The following PRR14L variants were observed in gnomAD, a reference collection of about 807,000 sequenced individuals.
PRR14L encodes proline rich 14 like, also known as protein PRR14L.
A neutral mutation model predicts 155.0 loss-of-function variants in PRR14L; 80 were observed. The observed-to-expected ratio is 0.52, with a 90% CI of 0.43 to 0.62. PRR14L has a LOEUF of 0.62. PRR14L is among the 20% of genes least tolerant of loss of function. The pLI is 0.00. For synonymous variants in PRR14L, 883 were observed against 916.0 expected (o/e 0.96, Z 0.65); for missense variants, 2,469 against 2,548.0 (o/e 0.97, Z 0.67).
At chr22:31,689,965 G>A (rs1485279513) in intron 7 of PRR14L, among the ~76,000 whole-genome samples, 1 of 151,544 alleles carries the variant, frequency 6.6e-6, no homozygotes, top group Non-Finnish European at 1.5e-5. Context: ...TTGCCAGGCT[G>A]GAGTGCAGTT....
At chr22:31,686,350 C>T (rs1017676531) in intron 8 of PRR14L, among the ~76,000 whole-genome samples, 10 of 150,440 alleles carry the variant, frequency 6.6e-5, no homozygotes, top group East Asian at 3.9e-4. Context: ...CCTCATGATT[C>T]GCCCGCCTCG....
At chr22:31,708,218 C>T (rs1177007127) in intron 4 of PRR14L, among the ~76,000 whole-genome samples, 1 of 152,136 alleles carries the variant, frequency 6.6e-6, no homozygotes, top group Admixed American at 6.6e-5. Flanking sequence ...TCTTTCAATT[C>T]TAGTCAGCAA....
chr22:31,682,398 T>C lies in PRR14L; in HGVS notation c.*3129A>G, dbSNP rs2074459207. ...GGCTCCGAATAAGGCAAACGCTACA[T>C]GTCTTCACCGTACCTCCCTCAGCTA... On this transcript the variant is annotated 3_prime_UTR_variant, in exon 9 of 9. Transcript: ENST00000327423. 7.5e-6 allele frequency: 1 copy of C among 133,560 alleles called. No individual in the cohort carries two copies. The highest frequency in any genetic ancestry group is 3.4e-5 in the African/African-American group (1 of 29,510). The allele number at this position is 133,560 out of a possible 1,614,324, so 8.3% of individuals were successfully genotyped here.
rs200487624 is a variant in PRR14L at position 31,722,059 on chromosome 22, TA to T, written c.547+3478del. Among the ~76,000 whole-genome samples the T allele has an allele frequency of 7.1e-3, 1,087 of 152,276 alleles. 4 individuals carry two copies. Among genetic ancestry groups the T allele is most frequent in the Middle Eastern group, 0.031 (9 of 294 alleles). On this transcript the variant is annotated intron_variant, in intron 3 of 8. Transcript: ENST00000327423. ...ACGTAATAAATAAAATCAAGTAAAGTAATTTGCACAGTGCTCAACCATGCAA... is the reference window on the plus strand; with the variant it reads ...ACGTAATAAATAAAATCAAGTAAAGTATTTGCACAGTGCTCAACCATGCAA...
rs144806692 is a variant in PRR14L, at chr22:31,747,818, A to C, written c.-52+2175T>G. Among the ~76,000 whole-genome samples the C allele has an allele frequency of 1.7e-3, 252 of 151,834 alleles. 1 individual carries two copies. The highest frequency in any genetic ancestry group is 5.3e-3 in the African/African-American group (218 of 41,452). The stretch of plus-strand genomic sequence containing the variant: ...TAATTCCTATCCCACCAAAAAAAAA[A>C]AAAAACAAAAACAGGAAAACAAACC... On this transcript the variant is annotated intron_variant, in intron 1 of 8. Transcript: ENST00000327423.
intron 1 of PRR14L, among the ~76,000 whole-genome samples, chr22:31,747,726 AAC>A (rs2074847137): frequency 6.6e-6 from 1 of 151,832 alleles, no homozygotes; most frequent in African/African-American, 2.4e-5. Context: ...GTAATTTAAG[AAC>A]ACTTTACATA....
Position 31,714,976 on chromosome 22 carries a change from T to C in PRR14L, c.2863A>G (p.Asn955Asp). 5 of 1,552,144 alleles carry C rather than the reference T, an allele frequency of 3.2e-6. No individual in the cohort carries two copies. Among genetic ancestry groups the C allele is most frequent in the Non-Finnish European group, 4.4e-6 (5 of 1,147,088 alleles). Residue 955 changes from asparagine to aspartate, a missense_variant, in exon 4 of 9, where the codon AAT becomes GAT. This residue lies in a region of PRR14L where 2,363 missense variants were observed against 2,371.6 expected (regional missense o/e 1.00). Transcript: ENST00000327423. ...SPTVMFSSFK[N>D]VKSVETLDQK... ...TCGAGTGTTTCAACTGATTTTACAT[T>C]TTTAAAACTGGAGAACATAACAGTA...
chr22:31,716,325 C>G lies in PRR14L; in HGVS notation c.1514G>C (p.Gly505Ala). The change falls in exon 4 of 9, where the codon GGA becomes GCA. Residue 505 changes from glycine to alanine, a missense_variant. Gly to Ala is a moderately conservative substitution (Grantham distance 60). This residue lies in a region of PRR14L where 2,363 missense variants were observed against 2,371.6 expected (regional missense o/e 1.00). Coordinates refer to ENST00000327423, the MANE Select transcript of PRR14L (RefSeq NM_173566.3). ...GGAAAAACTGCTTTCTTCAGAGTGTCCACCAGGATGGCTCATATTAGTAAA... is the reference window on the plus strand; with the variant it reads ...GGAAAAACTGCTTTCTTCAGAGTGTGCACCAGGATGGCTCATATTAGTAAA... ...ETFTNMSHPG[G>A]HSEESSFSSL... The G allele has an allele frequency of 6.4e-7, 1 of 1,551,652 alleles. No homozygotes were observed. The highest frequency in any genetic ancestry group is 8.7e-7 in the Non-Finnish European group (1 of 1,146,970).
intron 4 of PRR14L, among the ~76,000 whole-genome samples, chr22:31,707,914 C>A (rs933133907): frequency 3.3e-5 from 5 of 152,142 alleles, no homozygotes; most frequent in African/African-American, 9.6e-5. Context: ...CTTTAGGAGG[C>A]TGGGGCAGGC....
In PRR14L at chr22:31,688,176, A is replaced by G; in HGVS notation, c.6159T>C (p.Tyr2053=). The part of the protein sequence containing the change: ...SLEEIYTNKN[Y]KSPPANRCLE... Reference sequence around the variant, plus strand: ...CCTACCTGTTTGCAGGAGGAGATTTATAATTCTTGTTGGTATATATCTCTT... The same window carrying G: ...CCTACCTGTTTGCAGGAGGAGATTTGTAATTCTTGTTGGTATATATCTCTT... The change falls in exon 8 of 9, where the codon TAT becomes TAC. Residue 2053 remains tyrosine (Y), a synonymous_variant. Transcript: ENST00000327423. The G allele has an allele frequency of 6.2e-7, 1 of 1,605,132 alleles. No homozygotes were observed. Among genetic ancestry groups the G allele is most frequent in the Non-Finnish European group, 8.5e-7 (1 of 1,176,490 alleles).
In PRR14L at chr22:31,713,949, C is replaced by G; in HGVS notation, c.3890G>C (p.Arg1297Thr). 6.4e-7 allele frequency: 1 copy of G among 1,551,804 alleles called. No individual in the cohort carries two copies. Residue 1297 changes from arginine (R) to threonine (T), a missense_variant, in exon 4 of 9, where the codon AGA becomes ACA. Coordinates refer to ENST00000327423, the MANE Select transcript of PRR14L (RefSeq NM_173566.3). ...VSRDWSNSSD[R>T]DSVCTCVEKN... ...TTCCACACAGGTACATACGCTGTCT[C>G]TGTCACTAGAATTACTCCAATCTCT...
intron 1 of PRR14L, among the ~76,000 whole-genome samples, chr22:31,749,463 T>C (rs1057258294): frequency 2.6e-5 from 4 of 152,096 alleles, no homozygotes; most frequent in Non-Finnish European, 5.9e-5. Flanking sequence ...GGAAGGTAAG[T>C]CTCTTTCTTA....
Position 31,712,935 on chromosome 22 carries a change from A to G in PRR14L, c.4904T>C (p.Leu1635Pro), listed in dbSNP as rs1000652723. 1 of 1,551,868 alleles carries G rather than the reference A, an allele frequency of 6.4e-7. No homozygotes were observed. The highest frequency in any genetic ancestry group is 8.7e-7 in the Non-Finnish European group (1 of 1,147,036). Residue 1635 changes from leucine (L) to proline (P), a missense_variant, in exon 4 of 9, where the codon CTA becomes CCA. Leu to Pro is a moderately conservative substitution (Grantham distance 98). Around this residue, in one of 2 missense-constraint regions of PRR14L, gnomAD observed 2,363 missense variants for 2,371.6 expected, o/e 1.00. Coordinates refer to ENST00000327423, the MANE Select transcript of PRR14L (RefSeq NM_173566.3). The part of the protein sequence containing the change: ...KLAPAMKTQK[L>P]RYRRCSSELL... ...TTCAGAGGAACACCGTCGGTATCTT[A>G]GCTTCTGAGTCTTCATGGCTGGGGC...
At chr22:31,697,318 A>AG (rs1259207563) in intron 7 of PRR14L, among the ~76,000 whole-genome samples, 4 of 151,668 alleles carry the variant, frequency 2.6e-5, no homozygotes, top group Non-Finnish European at 5.9e-5. Flanking sequence ...AAAAAAAAAA[A>AG]AAAAGAAATT....
At chr22:31,735,337 A>G (rs1206933185) in intron 2 of PRR14L, among the ~76,000 whole-genome samples, 1 of 151,958 alleles carries the variant, frequency 6.6e-6, no homozygotes, top group Non-Finnish European at 1.5e-5. Flanking sequence ...GCTACTAGGG[A>G]GGCTGAGGCA....
At chr22:31,724,697 C>T (rs879287517) in intron 3 of PRR14L, among the ~76,000 whole-genome samples, 2 of 152,142 alleles carry the variant, frequency 1.3e-5, no homozygotes, top group Non-Finnish European at 2.9e-5. Context: ...TGTGCCCAGC[C>T]TGATGATTCT....
intron 1 of PRR14L, among the ~76,000 whole-genome samples, chr22:31,742,316 A>T (rs1263926596): frequency 6.6e-6 from 1 of 151,738 alleles, no homozygotes; most frequent in Non-Finnish European, 1.5e-5. Flanking sequence ...CTTTCTTGAT[A>T]ACGTCATCTT....
At chr22:31,688,573 G>A (rs1238651148) in intron 7 of PRR14L, among the ~76,000 whole-genome samples, 1 of 152,014 alleles carries the variant, frequency 6.6e-6, no homozygotes, top group Non-Finnish European at 1.5e-5. Context: ...AATATGTACT[G>A]GATTTTCTTT....
chr22:31,746,961 T>C (rs988497402), intron 1 of PRR14L, among the ~76,000 whole-genome samples: 4 of 151,376 alleles, frequency 2.6e-5, no homozygotes, highest in Admixed American at 6.6e-5. Flanking sequence ...CACGCCTGGC[T>C]AATTTTTTTA....
Sources: gnomAD v4.1 joint callset for allele counts (sites outside exome capture counted in the v4.1 genomes callset) on GRCh38, gnomAD v4.1.1 for gene constraint, gnomAD v4.1.1 regional missense constraint, MANE v1.5 for transcripts, NCBI Gene and HGNC (gene_info 2026-07-23, HGNC 2026-07-21) for gene names.